The following ABCC4 variants were observed in gnomAD, a reference collection of about 807,000 sequenced individuals.
ABCC4 encodes ATP binding cassette subfamily C member 4 (PEL blood group).
A neutral mutation model predicts 168.5 loss-of-function variants in ABCC4; 102 were observed. The ratio of observed to expected loss-of-function variants is 0.61; its 90% CI spans 0.52 to 0.71. ABCC4 has a LOEUF of 0.71. Among genes scored for constraint, ABCC4 ranks in the 30% least tolerant of loss-of-function variants. ABCC4 has a pLI of 0.00. For synonymous variants in ABCC4, 617 were observed against 590.7 expected (o/e 1.04, Z -0.65); for missense variants, 1,402 against 1,605.8 (o/e 0.87, Z 2.17).
intron 4 of ABCC4, among the ~76,000 whole-genome samples, chr13:95,215,683 A>G (rs1459988760): frequency 6.6e-6 from 1 of 152,256 alleles, no homozygotes; most frequent in African/African-American, 2.4e-5. Context: ...CAGATCAACA[A>G]TAAGACATCT....
intron 20 of ABCC4, among the ~76,000 whole-genome samples, chr13:95,100,317 A>G (rs1274339660): frequency 6.6e-6 from 1 of 152,120 alleles, no homozygotes; most frequent in Non-Finnish European, 1.5e-5. Flanking sequence ...AAACATTATC[A>G]TTGGAACACA....
chr13:95,035,863 C>G (rs745417332), intron 29 of ABCC4, among the ~76,000 whole-genome samples: 10 of 152,134 alleles, frequency 6.6e-5, no homozygotes, highest in Non-Finnish European at 1.3e-4. Context: ...AACCTCCAAG[C>G]AGGACACAGG....
intron 30 of ABCC4, 115 bp downstream of exon 30, chr13:95,034,490 G>C: frequency 7.2e-7 from 1 of 1,386,960 alleles, no homozygotes; most frequent in South Asian, 1.5e-5. Context: ...CTTTGTCTCT[G>C]CAGGCTTATA....
chr13:95,146,392 C>T (rs1473977492), intron 19 of ABCC4, among the ~76,000 whole-genome samples: 1 of 152,032 alleles, frequency 6.6e-6, no homozygotes, highest in Non-Finnish European at 1.5e-5. Context: ...GCATATGTAC[C>T]GTCTGAACCA....
chr13:95,184,635 G>C (rs1199784754), intron 11 of ABCC4, among the ~76,000 whole-genome samples: 1 of 152,168 alleles, frequency 6.6e-6, no homozygotes, highest in Admixed American at 6.5e-5. Context: ...CAAACTGACA[G>C]ATTAGTAGGT....
chr13:95,095,112 T>C (rs1474630581), intron 20 of ABCC4, among the ~76,000 whole-genome samples: 2 of 152,096 alleles, frequency 1.3e-5, no homozygotes, highest in Non-Finnish European at 2.9e-5. Context: ...TAAAAGTAGA[T>C]CTACCATTTG....
chr13:95,185,490 G>A (rs907859300), intron 11 of ABCC4, among the ~76,000 whole-genome samples: 3 of 152,200 alleles, frequency 2.0e-5, no homozygotes, highest in Non-Finnish European at 4.4e-5. Flanking sequence ...CTGATTGACA[G>A]ACTCTGATAT....
At chr13:95,232,107 A>ATGC (rs149368557) in intron 4 of ABCC4, among the ~76,000 whole-genome samples, 7 of 36,942 alleles carry the variant, frequency 1.9e-4, no homozygotes, top group Non-Finnish European at 5.7e-4. Context: ...GATGATGATG[A>ATGC]TGCTGCTGCT....
At chr13:95,059,410 C>G (rs1005469940) in intron 26 of ABCC4, among the ~76,000 whole-genome samples, 1 of 152,222 alleles carries the variant, frequency 6.6e-6, no homozygotes, top group East Asian at 1.9e-4. Context: ...TGGGACGCAA[C>G]AATCACTAAA....
rs11568655 is a variant in ABCC4, at chr13:95,062,760, A to G, written c.3310T>C (p.Leu1104=). 5.0e-3 allele frequency: 8,101 copies of G among 1,614,030 alleles called. 335 individuals carry two copies. The African/African-American group carries it at 0.09, about 18-fold the overall frequency. ...TCGTGAAGTCCAATTTCAGTTGTCAAGATCTTATCAATCCAAATTTTACCT... is the reference window on the plus strand; with the variant it reads ...TCGTGAAGTCCAATTTCAGTTGTCAGGATCTTATCAATCCAAATTTTACCT... ...PEGKIWIDKI[L]TTEIGLHDLR... Residue 1104 remains leucine (L), a synonymous_variant, in exon 26 of 31, where the codon TTG becomes CTG. Transcript: ENST00000645237.
At position 95,163,143 on chromosome 13, in the gene ABCC4, A is replaced by G; in HGVS notation, c.2287T>C (p.Trp763Arg). ...GNVTEKLDLNWYLGIYSGLTV... is the reference protein window; with the variant it reads ...GNVTEKLDLNRYLGIYSGLTV... The stretch of plus-strand genomic sequence containing the variant: ...TTACCTGAATAAATTCCTAAGTACC[A>G]GTTAAGATCTAGCTTCTCGGTTACA... The change falls in exon 18 of 31, where the codon TGG becomes CGG. Residue 763 changes from tryptophan (W) to arginine (R), a missense_variant. Coordinates refer to ENST00000645237, the MANE Select transcript of ABCC4 (RefSeq NM_005845.5). The G allele has an allele frequency of 1.2e-6, 2 of 1,612,004 alleles. No homozygotes were observed. Among genetic ancestry groups the G allele is most frequent in the Non-Finnish European group, 1.7e-6 (2 of 1,178,280 alleles).
intron 26 of ABCC4, among the ~76,000 whole-genome samples, chr13:95,061,800 A>G (rs1363357034): frequency 6.6e-6 from 1 of 152,264 alleles, no homozygotes; most frequent in East Asian, 1.9e-4. Context: ...ATGAGGCCCC[A>G]CAGCTGCAGA....
chr13:95,225,968 T>TAAAA (rs11414379), intron 4 of ABCC4, among the ~76,000 whole-genome samples: 33 of 117,774 alleles, frequency 2.8e-4, no homozygotes, highest in Admixed American at 5.6e-4. Context: ...CATCTCCACT[T>TAAAA]AAAAAAAAAA....
chr13:95,231,875 G>A (rs1404617203), intron 4 of ABCC4, among the ~76,000 whole-genome samples: 1 of 152,170 alleles, frequency 6.6e-6, no homozygotes, highest in Non-Finnish European at 1.5e-5. Flanking sequence ...AAAAACAGGT[G>A]AACAGTATCT....
rs367759893 is a variant in ABCC4 at position 95,178,046 on chromosome 13, G to C, written c.1591C>G (p.Arg531Gly). Reference sequence around the variant, plus strand: ...TGCCCTCCACTCAGCGTGGTTCCCCGATCTCCTATCACAGTCAGATCACCA... The same window carrying C: ...TGCCCTCCACTCAGCGTGGTTCCCCCATCTCCTATCACAGTCAGATCACCA... ...EDGDLTVIGD[R>G]GTTLSGGQKA... Residue 531 changes from arginine (R) to glycine (G), a missense_variant, in exon 12 of 31, where the codon CGG becomes GGG. Physicochemically the swap from Arg to Gly is moderately radical, Grantham distance 125. Transcript: ENST00000645237. The C allele has an allele frequency of 2.5e-5, 41 of 1,614,038 alleles. No homozygotes were observed. The highest frequency in any genetic ancestry group is 3.3e-5 in the Non-Finnish European group (39 of 1,180,028).
chr13:95,151,477 GAA>G (rs1263337005), intron 19 of ABCC4, among the ~76,000 whole-genome samples: 4 of 81,786 alleles, frequency 4.9e-5, no homozygotes, highest in East Asian at 4.1e-4. Flanking sequence ...TCTGTCTCAA[GAA>G]AAAAAAAAAA....
intron 8 of ABCC4, among the ~76,000 whole-genome samples, chr13:95,203,192 A>G (rs1199850245): frequency 6.6e-6 from 1 of 152,122 alleles, no homozygotes; most frequent in African/African-American, 2.4e-5. Context: ...ATAAAGCCCC[A>G]TGGTCTTGAT....
intron 1 of ABCC4, among the ~76,000 whole-genome samples, chr13:95,255,184 G>T (rs2040363209): frequency 6.6e-6 from 1 of 152,198 alleles, no homozygotes; most frequent in Admixed American, 6.5e-5. Flanking sequence ...ACTGAGTGCT[G>T]GGGAGGAAGG....
intron 19 of ABCC4, among the ~76,000 whole-genome samples, chr13:95,149,272 C>T (rs887156726): frequency 2.0e-5 from 3 of 152,172 alleles, no homozygotes; most frequent in Non-Finnish European, 4.4e-5. Context: ...TACAGGACCA[C>T]GTCAAGACTA....
Sources: allele counts gnomAD v4.1 joint callset (sites outside exome capture counted in the v4.1 genomes callset), GRCh38; gene constraint gnomAD v4.1.1; transcripts MANE v1.5; gene names NCBI Gene and HGNC (gene_info 2026-07-23, HGNC 2026-07-21).